The following NAV3 variants were observed in gnomAD, a reference collection of about 807,000 sequenced individuals.
NAV3 encodes the protein neuron navigator 3.
In NAV3, 87 loss-of-function variants were observed where a neutral mutation model predicts 244.7. That is an observed-to-expected ratio of 0.36 (90% CI 0.30 to 0.42). The LOEUF is 0.42. Among genes scored for constraint, NAV3 ranks in the 20% least tolerant of loss-of-function variants. The probability of loss-of-function intolerance (pLI) is 1.00; values close to 1 mark genes in which losing one functional copy is unlikely to be tolerated. For synonymous variants in NAV3, 1,126 were observed against 1,042.2 expected (o/e 1.08, Z -1.55); for missense variants, 2,663 against 2,893.3 (o/e 0.92, Z 1.83).
rs1955582077 is a variant in NAV3, at chr12:78,119,666, C to T, written c.3470C>T (p.Ser1157Phe). ...ATTCCTGGCCGAGGAGGCCACAGATCCAGTACCAGCAGTATTGATTCCAAC... is the reference window on the plus strand; with the variant it reads ...ATTCCTGGCCGAGGAGGCCACAGATTCAGTACCAGCAGTATTGATTCCAAC... The part of the protein sequence containing the change: ...SGIPGRGGHR[S>F]STSSIDSNVS... The change falls in exon 15 of 40, where the codon TCC (serine) becomes TTC (phenylalanine). Residue 1157 changes from serine (S) to phenylalanine (F), a missense_variant. By Grantham distance (155) the Ser-to-Phe change is radical. Transcript: ENST00000397909. 1 of 1,614,070 alleles carries T rather than the reference C, an allele frequency of 6.2e-7. No individual in the cohort carries two copies. Among genetic ancestry groups the T allele is most frequent in the African/African-American group, 1.3e-5 (1 of 74,918 alleles).
rs181497861 is a variant in NAV3 at position 77,972,505 on chromosome 12, G to A, written c.671+3803G>A. 1.0e-3 allele frequency among the ~76,000 whole-genome samples: 156 copies of A among 151,788 alleles called. 1 individual carries two copies. Among genetic ancestry groups the A allele is most frequent in the African/African-American group, 3.6e-3 (148 of 41,392 alleles). ...AAGATTCAATATCTTGCTATATTCCGAAATATTAAGCATCTTATTTGCATT... is the reference window on the plus strand; with the variant it reads ...AAGATTCAATATCTTGCTATATTCCAAAATATTAAGCATCTTATTTGCATT... On this transcript the variant is annotated intron_variant, in intron 5 of 39. Coordinates refer to ENST00000397909, the MANE Select transcript of NAV3 (RefSeq NM_001024383.2).
intron 12 of NAV3, among the ~76,000 whole-genome samples, chr12:78,070,249 G>A (rs898959421): frequency 8.6e-5 from 13 of 151,908 alleles, no homozygotes; most frequent in Non-Finnish European, 1.9e-4. Flanking sequence ...TCACATGTGC[G>A]AATTAATTTA....
At chr12:78,191,713 G>A (rs1460078033) in intron 34 of NAV3, among the ~76,000 whole-genome samples, 1 of 152,128 alleles carries the variant, frequency 6.6e-6, no homozygotes. Context: ...CAGCTGACAT[G>A]TTTAATGCTT....
chr12:78,146,380 G>A lies in NAV3; in HGVS notation c.4695G>A (p.Lys1565=). 9.2e-7 allele frequency: 1 copy of A among 1,086,792 alleles called. No homozygotes were observed. The highest frequency in any genetic ancestry group is 2.8e-5 in the Admixed American group (1 of 35,292). The allele number at this position is 1,086,792 out of a possible 1,614,324, so 67.3% of individuals were successfully genotyped here. ...TSSLYSTAEE[K]AHSEQIHKLR... ...TTATTGTTTTACAGGCTGAAGAAAAGGCTCATTCAGAGGTAAAAAAAAAAT... is the reference window on the plus strand; with the variant it reads ...TTATTGTTTTACAGGCTGAAGAAAAAGCTCATTCAGAGGTAAAAAAAAAAT... Residue 1565 remains lysine, a synonymous_variant, in exon 21 of 40, where the codon AAG becomes AAA. Transcript: ENST00000397909.
intron 2 of NAV3, among the ~76,000 whole-genome samples, chr12:77,595,615 A>G (rs1175719395): frequency 6.6e-6 from 1 of 152,190 alleles, no homozygotes; most frequent in East Asian, 1.9e-4. Context: ...TACTATGTAT[A>G]TGAATATCAA....
rs1011842257 is a variant in NAV3 at position 77,662,217 on chromosome 12, ATATC to A, written c.72+89957_72+89960del. The stretch of plus-strand genomic sequence containing the variant: ...ATATCTCACCTTATTATATATCTTC[ATATC>A]TATCTGTCTATCTATCTATCTATCT... On this transcript the variant is annotated intron_variant, in intron 2 of 8. Transcript: ENST00000550042. Among the ~76,000 whole-genome samples, 4 of 105,826 alleles carry A rather than the reference ATATC, an allele frequency of 3.8e-5. No individual in the cohort carries two copies. In the Admixed American group the frequency reaches 4.6e-4, roughly 12 times the overall value. The allele number at this position is 105,826 out of a possible 152,430, so 69.4% of individuals were successfully genotyped here.
rs539702768 is a variant in NAV3 at position 77,958,347 on chromosome 12, G to A, written c.415-7882G>A. ...TCTGTAGCACAGAGCACATTTTCAG[G>A]CATAAAATAAGTTTAATAAATGTGT... is the stretch of plus-strand genomic sequence containing the variant. On this transcript the variant is annotated intron_variant, in intron 3 of 39. Coordinates refer to ENST00000397909, the MANE Select transcript of NAV3 (RefSeq NM_001024383.2). Among the ~76,000 whole-genome samples the A allele has an allele frequency of 3.3e-5, 5 of 152,196 alleles. No individual in the cohort carries two copies. The East Asian group carries it at 7.7e-4, about 24-fold the overall frequency.
At chr12:77,658,481 A>G (rs1343068083) in intron 2 of NAV3, among the ~76,000 whole-genome samples, 1 of 148,954 alleles carries the variant, frequency 6.7e-6, no homozygotes, top group Non-Finnish European at 1.5e-5. Context: ...ATGGAAGAAC[A>G]TTCCATGCTC....
intron 2 of NAV3, among the ~76,000 whole-genome samples, chr12:77,628,517 A>G (rs915598689): frequency 2.9e-4 from 44 of 152,236 alleles, no homozygotes; most frequent in African/African-American, 9.2e-4. Context: ...GAATTTTTCA[A>G]TAGTAATTTT....
chr12:77,937,424 A>T (rs1398806344), intron 1 of NAV3, among the ~76,000 whole-genome samples: 2 of 152,242 alleles, frequency 1.3e-5, no homozygotes, highest in African/African-American at 4.8e-5. Context: ...AAGGCTAAGG[A>T]ACTGTTGACA....
intron 2 of NAV3, among the ~76,000 whole-genome samples, chr12:77,636,913 G>A (rs1236268132): frequency 1.3e-5 from 2 of 151,942 alleles, no homozygotes; most frequent in Non-Finnish European, 2.9e-5. Flanking sequence ...CACCGTATGT[G>A]CTCACTCATA....
chr12:78,198,131 A>G (rs900545532), intron 35 of NAV3, among the ~76,000 whole-genome samples: 1 of 151,948 alleles, frequency 6.6e-6, no homozygotes, highest in African/African-American at 2.4e-5. Flanking sequence ...AATAGTGTCA[A>G]ATATTCCAAT....
At chr12:77,746,825 C>T (rs1868570244) in intron 2 of NAV3, among the ~76,000 whole-genome samples, 1 of 152,120 alleles carries the variant, frequency 6.6e-6, no homozygotes, top group South Asian at 2.1e-4. Context: ...TACTCTCTTT[C>T]TTTGGAGAGA....
chr12:78,100,111 T>C (rs985765819), intron 12 of NAV3, among the ~76,000 whole-genome samples: 1 of 151,960 alleles, frequency 6.6e-6, no homozygotes. Flanking sequence ...TTAGTCTCTA[T>C]GAATATTTCA....
rs1221805391 is a variant in NAV3 at position 78,053,813 on chromosome 12, C to T, written c.2516+2666C>T. On this transcript the variant is annotated intron_variant, in intron 11 of 39. Transcript: ENST00000397909. Reference sequence around the variant, plus strand: ...AACGTCTGAGACTCATTTTTTTTCACGGTTCTGTTCATATCCATGAATGGC... The same window carrying T: ...AACGTCTGAGACTCATTTTTTTTCATGGTTCTGTTCATATCCATGAATGGC... Among the ~76,000 whole-genome samples, 7 of 152,074 alleles carry T rather than the reference C, an allele frequency of 4.6e-5. No homozygotes were observed. The East Asian group carries it at 5.8e-4, about 13-fold the overall frequency.
chr12:77,998,083 T>C (rs1872658606), intron 6 of NAV3, among the ~76,000 whole-genome samples: 2 of 152,228 alleles, frequency 1.3e-5, no homozygotes, highest in African/African-American at 4.8e-5. Context: ...AGTATGACTT[T>C]TTTAGTTAAG....
chr12:78,004,071 C>T (rs984200833), intron 7 of NAV3, among the ~76,000 whole-genome samples: 7 of 152,022 alleles, frequency 4.6e-5, no homozygotes, highest in Non-Finnish European at 5.9e-5. Flanking sequence ...GAAAATCTTC[C>T]AAATGTTTGA....
intron 23 of NAV3, among the ~76,000 whole-genome samples, chr12:78,160,378 AGTGTGTGTGTGTGTGTGTGTGCGTGCGT>A (rs1223875890): frequency 7.5e-6 from 1 of 134,024 alleles, no homozygotes; most frequent in Non-Finnish European, 1.6e-5. Context: ...AATTCTATGG[AGTGTGTGTGTGTGTGTGTGTGCGTGCGT>A]GTGTGTGTGT....
At chr12:77,659,955 G>A (rs903934483) in intron 2 of NAV3, among the ~76,000 whole-genome samples, 5 of 140,382 alleles carry the variant, frequency 3.6e-5, no homozygotes, top group African/African-American at 8.1e-5. Context: ...TCTGGGGACT[G>A]TTGTGGGGTA....
Sources: gnomAD v4.1 joint callset for allele counts (sites outside exome capture counted in the v4.1 genomes callset) on GRCh38, gnomAD v4.1.1 for gene constraint, MANE v1.5 for transcripts, NCBI Gene and HGNC (gene_info 2026-07-23, HGNC 2026-07-21) for gene names.